The following NAA16 variants were observed in gnomAD, a reference collection of about 807,000 sequenced individuals.
NAA16 encodes the protein N-alpha-acetyltransferase 16, NatA auxiliary subunit.
NAA16 carries 97 observed loss-of-function variants against 110.3 expected under a neutral mutation model. The observed-to-expected ratio is 0.88, with a 90% confidence interval of 0.75 to 1.04. The LOEUF is 1.04. Ranked by LOEUF, NAA16 falls within the 50% of genes least tolerant of loss-of-function variation. NAA16 has a pLI of 0.00. For missense variants in NAA16, 1,017 were observed against 1,005.1 expected (o/e 1.01, Z -0.16); for synonymous variants, 372 against 330.6 (o/e 1.13, Z -1.36).
intron 9 of NAA16, among the ~76,000 whole-genome samples, chr13:41,343,546 T>C (rs2042608192): frequency 6.6e-6 from 1 of 152,136 alleles, no homozygotes; most frequent in Non-Finnish European, 1.5e-5. Flanking sequence ...GTTTTTGGTT[T>C]TTTTGTTTGG....
At chr13:41,347,267 C>A (rs967966870) in intron 9 of NAA16, among the ~76,000 whole-genome samples, 1 of 150,764 alleles carries the variant, frequency 6.6e-6, no homozygotes, top group Non-Finnish European at 1.5e-5. Flanking sequence ...AAGTGTGACT[C>A]CTCCTACTTT....
chr13:41,324,197 C>T (rs2042023822), intron 5 of NAA16, among the ~76,000 whole-genome samples: 1 of 152,018 alleles, frequency 6.6e-6, no homozygotes, highest in Non-Finnish European at 1.5e-5. Flanking sequence ...TTTTACGTCA[C>T]ACCAGAGAAT....
At chr13:41,337,801 G>A (rs2042421417) in intron 9 of NAA16, among the ~76,000 whole-genome samples, 1 of 152,050 alleles carries the variant, frequency 6.6e-6, no homozygotes, top group Non-Finnish European at 1.5e-5. Context: ...ATAATAATTT[G>A]TAAATTTGCA....
At chr13:41,361,579 G>C (rs1325949772) in intron 12 of NAA16, among the ~76,000 whole-genome samples, 1 of 152,316 alleles carries the variant, frequency 6.6e-6, no homozygotes, top group East Asian at 1.9e-4. Context: ...GACTACCCCA[G>C]CAGAGCTGGG....
At chr13:41,359,807 G>T (rs556585405) in intron 12 of NAA16, among the ~76,000 whole-genome samples, 1 of 152,188 alleles carries the variant, frequency 6.6e-6, no homozygotes, top group South Asian at 2.1e-4. Flanking sequence ...CACTGTACAC[G>T]AATCAGTTCC....
chr13:41,358,703 CAG>C, intron 11 of NAA16, 105 bp from the exon 12 acceptor site: 16 of 1,451,826 alleles, frequency 1.1e-5, no homozygotes, highest in Non-Finnish European at 1.5e-5. Context: ...ATAAATTTGA[CAG>C]AAATGGTGAC....
chr13:41,336,821 T>A, intron 9 of NAA16, 65 bp downstream of exon 9: 1 of 874,452 alleles, frequency 1.1e-6, no homozygotes, highest in Non-Finnish European at 1.8e-6. Context: ...AAGATGTCCA[T>A]GTAAATAATG....
intron 13 of NAA16, among the ~76,000 whole-genome samples, chr13:41,367,011 A>G (rs998905062): frequency 1.3e-5 from 2 of 152,176 alleles, no homozygotes; most frequent in Admixed American, 1.3e-4. Context: ...AGAGTTGAGT[A>G]GAGCAGTCAG....
intron 9 of NAA16, among the ~76,000 whole-genome samples, chr13:41,353,768 TACAC>T (rs58020530): frequency 0.39 from 56,823 of 146,324 alleles, 10,882 homozygotes; most frequent in Middle Eastern, 0.43. Flanking sequence ...CCCTGTCTCT[TACAC>T]ACACACACAC....
intron 9 of NAA16, among the ~76,000 whole-genome samples, chr13:41,350,024 C>T (rs12862220): frequency 6.7e-6 from 1 of 149,870 alleles, no homozygotes; most frequent in East Asian, 2.0e-4. Context: ...TGGCTCACGT[C>T]TTTTATCCCA....
rs1357526132 is a variant in NAA16, at chr13:41,312,945, G to A, written c.54+1363G>A. On this transcript the variant is annotated intron_variant, in intron 1 of 19. Coordinates refer to ENST00000379406, the MANE Select transcript of NAA16 (RefSeq NM_024561.5). ...TTCTCATGCCCTTTTATTTTACACAGCATGGAATTGGAGAAGTAATTTATT... is the reference window on the plus strand; with the variant it reads ...TTCTCATGCCCTTTTATTTTACACAACATGGAATTGGAGAAGTAATTTATT... 4.6e-5 allele frequency among the ~76,000 whole-genome samples: 7 copies of A among 152,068 alleles called. No individual in the cohort carries two copies. The East Asian group carries it at 1.3e-3, about 29-fold the overall frequency.
chr13:41,328,604 G>A (rs2042153356), intron 6 of NAA16, 120 bp from the exon 7 acceptor site: 3 of 771,702 alleles, frequency 3.9e-6, no homozygotes, highest in Admixed American at 5.7e-5. Flanking sequence ...ATGCCCAAAG[G>A]GGAAGCATAC....
In NAA16 at chr13:41,352,624, C is replaced by T. The variant is rs146196226; in HGVS notation, c.1015-2520C>T. 6.6e-4 allele frequency among the ~76,000 whole-genome samples: 101 copies of T among 152,226 alleles called. No homozygotes were observed. In the East Asian group the frequency reaches 0.019, roughly 29 times the overall value. On this transcript the variant is annotated intron_variant, in intron 9 of 19. Transcript: ENST00000379406. ...GAGCTGAGATCACACCACTGTACTC[C>T]AGCCTAGGCAACAGAGTGAGACTTG... is the stretch of plus-strand genomic sequence containing the variant.
chr13:41,349,700 C>T (rs1239137317), intron 9 of NAA16, among the ~76,000 whole-genome samples: 1 of 152,058 alleles, frequency 6.6e-6, no homozygotes, highest in Non-Finnish European at 1.5e-5. Context: ...TGTGGTGGCT[C>T]ACGCCTGTAA....
At chr13:41,366,072 T>C (rs2043202171) in intron 13 of NAA16, among the ~76,000 whole-genome samples, 1 of 152,170 alleles carries the variant, frequency 6.6e-6, no homozygotes, top group South Asian at 2.1e-4. Context: ...AAATATGTAA[T>C]CCTTTGATTT....
chr13:41,358,724 T>G (rs1380255410), intron 11 of NAA16, 86 bp from the exon 12 acceptor site: 2 of 1,484,954 alleles, frequency 1.3e-6, no homozygotes, highest in African/African-American at 1.4e-5. Context: ...ACAGATTTCT[T>G]TTTTGTCTGT....
chr13:41,340,769 C>T lies in NAA16; in HGVS notation c.1014+4013C>T, dbSNP rs549871824. On this transcript the variant is annotated intron_variant, in intron 9 of 19. Transcript: ENST00000379406. ...TCGGCTCACTGCAAGCTCCGCCTCC[C>T]GGGTTCACGCCATTCTCCTGCCTCA... is the stretch of plus-strand genomic sequence containing the variant. 4.9e-4 allele frequency among the ~76,000 whole-genome samples: 71 copies of T among 144,186 alleles called. 1 individual carries two copies. The South Asian group carries it at 0.013, about 26-fold the overall frequency. The allele number at this position is 144,186 out of a possible 152,430, so 94.6% of individuals were successfully genotyped here.
intron 4 of NAA16, among the ~76,000 whole-genome samples, chr13:41,322,533 G>A (rs1460232757): frequency 2.6e-5 from 4 of 152,178 alleles, no homozygotes; most frequent in Admixed American, 6.5e-5. Context: ...CCAAGAGTTG[G>A]CAGAGAAAAT....
At chr13:41,320,961 C>T (rs988118296) in intron 4 of NAA16, 137 bp downstream of exon 4, 11 of 707,142 alleles carry the variant, frequency 1.6e-5, no homozygotes, top group Non-Finnish European at 2.4e-5. Context: ...CGCTTGGGAC[C>T]TTCCTTCTCA....
Sources: allele counts gnomAD v4.1 joint callset (sites outside exome capture counted in the v4.1 genomes callset), GRCh38; gene constraint gnomAD v4.1.1; transcripts MANE v1.5; gene names NCBI Gene and HGNC (gene_info 2026-07-23, HGNC 2026-07-21).